Variants in SHANK2 observed in about 807,000 individuals in gnomAD.
SHANK2 encodes SH3 and multiple ankyrin repeat domains 2.
In SHANK2, 43 loss-of-function variants were observed where a neutral mutation model predicts 133.7. The observed-to-expected ratio is 0.32, with a 90% CI of 0.25 to 0.41. SHANK2 has a LOEUF of 0.41. Ranked by LOEUF, SHANK2 falls within the 10% of genes least tolerant of loss-of-function variation. The pLI is 1.00. For missense variants in SHANK2, 1,994 were observed against 2,235.8 expected (o/e 0.89, Z 2.18); for synonymous variants, 1,017 against 952.8 (o/e 1.07, Z -1.24).
intron 1 of SHANK2, among the ~76,000 whole-genome samples, chr11:71,231,756 G>A (rs1954745017): frequency 6.6e-6 from 1 of 152,144 alleles, no homozygotes; most frequent in South Asian, 2.1e-4. Flanking sequence ...GGGCATGGTG[G>A]CATGTGCCTG....
intron 15 of SHANK2, among the ~76,000 whole-genome samples, chr11:70,691,501 G>A (rs1555021041): frequency 6.6e-6 from 1 of 152,164 alleles, no homozygotes; most frequent in East Asian, 1.9e-4. Context: ...GAAGAGCTGG[G>A]CCATCTGTGG....
At chr11:70,857,827 C>G (rs78556117) in intron 11 of SHANK2, among the ~76,000 whole-genome samples, 14 of 152,334 alleles carry the variant, frequency 9.2e-5, no homozygotes, top group African/African-American at 3.1e-4. Flanking sequence ...CAGATCACAG[C>G]GATGGGGCAC....
At chr11:71,248,846 C>G (rs1948131018) in intron 1 of SHANK2, among the ~76,000 whole-genome samples, 1 of 152,150 alleles carries the variant, frequency 6.6e-6, no homozygotes, top group South Asian at 2.1e-4. Context: ...CTATGCCCTG[C>G]AGCACTCGAT....
chr11:70,501,065 C>G (rs1167774519), intron 20 of SHANK2, among the ~76,000 whole-genome samples: 1 of 147,116 alleles, frequency 6.8e-6, no homozygotes, highest in Non-Finnish European at 1.5e-5. Context: ...AGCCCCAGGA[C>G]AGGCCTCTGT....
At chr11:71,235,599 A>G (rs1305630878) in intron 1 of SHANK2, among the ~76,000 whole-genome samples, 3 of 149,344 alleles carry the variant, frequency 2.0e-5, no homozygotes, top group African/African-American at 7.5e-5. Flanking sequence ...CTCTCGGGGA[A>G]AAAAAAAAAA....
At chr11:70,783,087 C>G (rs555769491) in intron 14 of SHANK2, among the ~76,000 whole-genome samples, 2 of 152,268 alleles carry the variant, frequency 1.3e-5, no homozygotes, top group South Asian at 4.2e-4. Context: ...GATGAGGACA[C>G]AGAGAGACAG....
chr11:71,093,296 C>G (rs916984427), intron 7 of SHANK2, among the ~76,000 whole-genome samples: 1 of 152,136 alleles, frequency 6.6e-6, no homozygotes, highest in African/African-American at 2.4e-5. Context: ...TGGAAAACCA[C>G]CTCATTCCGC....
intron 17 of SHANK2, among the ~76,000 whole-genome samples, chr11:70,546,610 C>T (rs1364081509): frequency 1.3e-5 from 2 of 152,212 alleles, no homozygotes; most frequent in African/African-American, 2.4e-5. Flanking sequence ...GACCCTCATG[C>T]TACAGCCCAG....
At chr11:70,772,821 T>C (rs1947281258) in intron 14 of SHANK2, among the ~76,000 whole-genome samples, 1 of 152,238 alleles carries the variant, frequency 6.6e-6, no homozygotes, top group Admixed American at 6.5e-5. Flanking sequence ...GTCGTTTCTT[T>C]TCAAATTTAT....
chr11:70,945,337 G>C (rs1040021917), intron 10 of SHANK2, among the ~76,000 whole-genome samples: 2 of 152,192 alleles, frequency 1.3e-5, no homozygotes, highest in Non-Finnish European at 2.9e-5. Flanking sequence ...GGCTTGAGCA[G>C]AGGGAGGAGG....
At chr11:70,873,600 C>T (rs782508743) in intron 11 of SHANK2, among the ~76,000 whole-genome samples, 1 of 152,220 alleles carries the variant, frequency 6.6e-6, no homozygotes, top group East Asian at 1.9e-4. Flanking sequence ...CCATCTGGGG[C>T]AGTTCTCTTC....
At chr11:71,195,274 C>G (rs748376612) in intron 2 of SHANK2, among the ~76,000 whole-genome samples, 2 of 152,130 alleles carry the variant, frequency 1.3e-5, no homozygotes, top group Non-Finnish European at 2.9e-5. Context: ...CGCCTGTAGT[C>G]CCAGCTACTC....
chr11:70,953,672 G>A (rs1590870309), intron 10 of SHANK2, among the ~76,000 whole-genome samples: 1 of 152,248 alleles, frequency 6.6e-6, no homozygotes, highest in East Asian at 1.9e-4. Context: ...GCAGCCAACT[G>A]GATGGTGCCC....
intron 17 of SHANK2, among the ~76,000 whole-genome samples, chr11:70,657,879 C>T (rs2061422781): frequency 6.6e-6 from 1 of 152,190 alleles, no homozygotes; most frequent in Admixed American, 6.5e-5. Flanking sequence ...ACAGGTCCAC[C>T]TTCTCAGCCC....
chr11:70,486,741 G>A lies in SHANK2; in HGVS notation c.3552C>T (p.Ser1184=), dbSNP rs1555153826. 6.2e-7 allele frequency: 1 copy of A among 1,610,498 alleles called. No individual in the cohort carries two copies. The highest frequency in any genetic ancestry group is 1.7e-5 in the Admixed American group (1 of 60,014). The change falls in exon 25 of 26, where the codon AGC becomes AGT. Residue 1184 remains serine (S), a synonymous_variant. Coordinates refer to ENST00000601538, the MANE Select transcript of SHANK2 (RefSeq NM_012309.5). This position sits in a 1 kb window ranked among gnomAD's most constrained non-coding sequence, Gnocchi z 8.0. ...TGCTCGCGGAGGGCACTGCTGGGCTGCTCTCGGGCCCCTGGGCTTTGGACG... is the reference window on the plus strand; with the variant it reads ...TGCTCGCGGAGGGCACTGCTGGGCTACTCTCGGGCCCCTGGGCTTTGGACG... ...NSTSKAQGPE[S]SPAVPSASSG... is the part of the protein sequence containing the mutation.
chr11:70,865,249 C>A (rs1354878475), intron 11 of SHANK2: 1 of 152,128 alleles, frequency 6.6e-6, no homozygotes, highest in Non-Finnish European at 1.5e-5. Context: ...CTGCATCCCA[C>A]CACAGGCTCT....
chr11:70,856,519 G>C (rs1949174822), intron 11 of SHANK2, among the ~76,000 whole-genome samples: 1 of 152,084 alleles, frequency 6.6e-6, no homozygotes, highest in Non-Finnish European at 1.5e-5. Flanking sequence ...ATGGATGGAT[G>C]GATGGATGGG....
intron 17 of SHANK2, among the ~76,000 whole-genome samples, chr11:70,565,623 G>T (rs2059959020): frequency 6.6e-6 from 1 of 152,210 alleles, no homozygotes; most frequent in East Asian, 1.9e-4. Context: ...GAAACGCTCA[G>T]TGCAAGAAGC....
intron 17 of SHANK2, among the ~76,000 whole-genome samples, chr11:70,602,400 C>G (rs926258798): frequency 3.3e-5 from 5 of 152,212 alleles, no homozygotes; most frequent in Non-Finnish European, 5.9e-5. Flanking sequence ...AGTGATCTAG[C>G]AGCTGCTCTC....
Sources: gnomAD v4.1 joint callset for allele counts (sites outside exome capture counted in the v4.1 genomes callset) on GRCh38, gnomAD v4.1.1 for gene constraint, Gnocchi (gnomAD v3.1) non-coding constraint, MANE v1.5 for transcripts, NCBI Gene and HGNC (gene_info 2026-07-23, HGNC 2026-07-21) for gene names.